CNTNAP4: variants seen among roughly 807,000 people sequenced by gnomAD.
The protein encoded by CNTNAP4 is contactin associated protein family member 4, also known as contactin-associated protein-like 4.
In CNTNAP4, 98 loss-of-function variants were observed where a neutral mutation model predicts 148.4. The observed-to-expected ratio is 0.66, with a 90% CI of 0.56 to 0.78. The LOEUF (loss-of-function observed/expected upper bound fraction) is 0.78. Among genes scored for constraint, CNTNAP4 ranks in the 30% least tolerant of loss-of-function variants. CNTNAP4 has a pLI of 0.00. For missense variants in CNTNAP4, 1,935 were observed against 1,565.6 expected (o/e 1.24, Z -3.98); for synonymous variants, 730 against 565.1 (o/e 1.29, Z -4.14).
intron 3 of CNTNAP4, among the ~76,000 whole-genome samples, chr16:76,358,838 G>C (rs187894089): frequency 7.1e-6 from 1 of 141,100 alleles, no homozygotes; most frequent in African/African-American, 2.5e-5. Context: ...GAAAGTATAC[G>C]TATGTGTGTG....
chr16:76,538,126 A>G lies in CNTNAP4; in HGVS notation c.3006A>G (p.Ala1002=), dbSNP rs756820152. Residue 1002 remains alanine (A), a synonymous_variant, in exon 19 of 24, where the codon GCA becomes GCG. Transcript: ENST00000611870. ...TGPFCSNEIS[A]YFGSGSSVIY... is the part of the protein sequence containing the mutation. The stretch of plus-strand genomic sequence containing the variant: ...TATATATTATTTCAGAGATTTCTGC[A>G]TATTTTGGATCTGGCTCATCCGTGA... 5 of 1,437,760 alleles carry G rather than the reference A, an allele frequency of 3.5e-6. No homozygotes were observed. Among genetic ancestry groups the G allele is most frequent in the East Asian group, 5.0e-5 (2 of 39,606 alleles). The allele number at this position is 1,437,760 out of a possible 1,614,324, so 89.1% of individuals were successfully genotyped here.
intron 1 of CNTNAP4, among the ~76,000 whole-genome samples, chr16:76,291,703 C>G (rs149344278): frequency 6.6e-6 from 1 of 152,286 alleles, no homozygotes; most frequent in African/African-American, 2.4e-5. Flanking sequence ...TATGCTTAGT[C>G]AAAAACAAAC....
intron 1 of CNTNAP4, chr16:76,309,989 A>G (rs1244639738): frequency 3.0e-6 from 2 of 670,162 alleles, no homozygotes; most frequent in African/African-American, 1.8e-5. Flanking sequence ...AACAGGGGCC[A>G]GTTGCTACAG....
chr16:76,535,667 G>C lies in CNTNAP4; in HGVS notation c.2878G>C (p.Gly960Arg). ...VTPEVQPGCRGHCSSYGKLCR... is the reference protein window; with the variant it reads ...VTPEVQPGCRRHCSSYGKLCR... ...TCCAGAAGTGCAGCCAGGTTGTAGG[G>C]GACATTGCAGCAGCTATGGGAAGTT... Residue 960 changes from glycine (G) to arginine (R), a missense_variant, in exon 18 of 24, where the codon GGA (glycine) becomes CGA (arginine). Transcript: ENST00000611870. 6.2e-7 allele frequency: 1 copy of C among 1,614,006 alleles called. No individual in the cohort carries two copies. The highest frequency in any genetic ancestry group is 8.5e-7 in the Non-Finnish European group (1 of 1,179,946).
intron 1 of CNTNAP4, 87 bp downstream of exon 1, chr16:76,277,834 C>CAA: frequency 1.2e-6 from 1 of 846,638 alleles, no homozygotes; most frequent in South Asian, 1.5e-5. Flanking sequence ...TTATTTGCAG[C>CAA]TGGGATTGCT....
At chr16:76,397,125 A>G (rs1043873841) in intron 3 of CNTNAP4, among the ~76,000 whole-genome samples, 3 of 151,954 alleles carry the variant, frequency 2.0e-5, no homozygotes, top group African/African-American at 7.3e-5. Context: ...CCTACAAGAG[A>G]AAGAACAACA....
intron 20 of CNTNAP4, among the ~76,000 whole-genome samples, chr16:76,540,458 G>A (rs1175924085): frequency 2.0e-5 from 3 of 151,838 alleles, no homozygotes; most frequent in Admixed American, 6.6e-5. Context: ...AAGGTAGGGT[G>A]CACTGGCATC....
At chr16:76,367,963 T>A (rs1005751495) in intron 3 of CNTNAP4, among the ~76,000 whole-genome samples, 5 of 152,306 alleles carry the variant, frequency 3.3e-5, no homozygotes, top group Admixed American at 3.3e-4. Flanking sequence ...CTGTGCATTC[T>A]AATTCTGGTA....
chr16:76,444,306 A>C, intron 4 of CNTNAP4, among the ~76,000 whole-genome samples: 1 of 152,318 alleles, frequency 6.6e-6, no homozygotes, highest in African/African-American at 2.4e-5. Flanking sequence ...TTATTCATTC[A>C]GTAATAAATA....
At chr16:76,334,330 C>A (rs985976026) in intron 2 of CNTNAP4, among the ~76,000 whole-genome samples, 2 of 152,002 alleles carry the variant, frequency 1.3e-5, no homozygotes, top group African/African-American at 4.8e-5. Flanking sequence ...AACAAAAGCC[C>A]TTCCCAGTTT....
intron 1 of CNTNAP4, among the ~76,000 whole-genome samples, chr16:76,285,836 G>A (rs552245151): frequency 2.6e-5 from 4 of 151,886 alleles, no homozygotes; most frequent in Admixed American, 2.0e-4. Context: ...CCTTAGGGTT[G>A]ATAGTTGCTT....
intron 18 of CNTNAP4, among the ~76,000 whole-genome samples, chr16:76,537,765 A>C (rs2084273822): frequency 6.6e-6 from 1 of 152,130 alleles, no homozygotes; most frequent in African/African-American, 2.4e-5. Flanking sequence ...CACTTCATTT[A>C]AGATTGTACT....
At chr16:76,366,266 G>A (rs2014114375) in intron 3 of CNTNAP4, among the ~76,000 whole-genome samples, 1 of 151,974 alleles carries the variant, frequency 6.6e-6, no homozygotes, top group African/African-American at 2.4e-5. Flanking sequence ...TAATTTTTCT[G>A]CTCCTCTCTG....
intron 3 of CNTNAP4, among the ~76,000 whole-genome samples, chr16:76,373,690 T>C (rs2015103156): frequency 6.7e-6 from 1 of 150,174 alleles, no homozygotes; most frequent in South Asian, 2.1e-4. Context: ...AGCTCAGGAG[T>C]TCAAGACCAG....
At chr16:76,512,030 C>T (rs2083047078) in intron 15 of CNTNAP4, among the ~76,000 whole-genome samples, 1 of 151,984 alleles carries the variant, frequency 6.6e-6, no homozygotes, top group East Asian at 1.9e-4. Context: ...AGGCACATGT[C>T]TACCTTTGGA....
intron 1 of CNTNAP4, among the ~76,000 whole-genome samples, chr16:76,308,088 C>G (rs968231300): frequency 6.6e-6 from 1 of 151,560 alleles, no homozygotes; most frequent in Admixed American, 6.6e-5. Context: ...TCTAGGAAAA[C>G]ATACTGATAG....
chr16:76,293,539 G>A (rs1959174041), intron 1 of CNTNAP4, among the ~76,000 whole-genome samples: 1 of 151,756 alleles, frequency 6.6e-6, no homozygotes, highest in Non-Finnish European at 1.5e-5. Flanking sequence ...AAATATTAAG[G>A]GAAAGTGATT....
intron 2 of CNTNAP4, among the ~76,000 whole-genome samples, chr16:76,326,376 C>G (rs1490003133): frequency 6.6e-6 from 1 of 152,180 alleles, no homozygotes; most frequent in Admixed American, 6.5e-5. Context: ...GCTTTCTTGC[C>G]TGATGCCAGT....
chr16:76,389,671 A>G (rs2016799352), intron 3 of CNTNAP4, among the ~76,000 whole-genome samples: 1 of 151,818 alleles, frequency 6.6e-6, no homozygotes, highest in Non-Finnish European at 1.5e-5. Flanking sequence ...CATGTTGTCC[A>G]GGCTGGTCTT....
Sources: allele counts gnomAD v4.1 joint callset (sites outside exome capture counted in the v4.1 genomes callset), GRCh38; gene constraint gnomAD v4.1.1; transcripts MANE v1.5; gene names NCBI Gene and HGNC (gene_info 2026-07-23, HGNC 2026-07-21).